The following FRMD5 variants were observed in gnomAD, a reference collection of about 807,000 sequenced individuals.
FRMD5 encodes FERM domain containing 5.
FRMD5 carries 20 observed loss-of-function variants against 69.0 expected under a neutral mutation model. The ratio of observed to expected loss-of-function variants is 0.29; its 90% CI spans 0.20 to 0.42. The LOEUF is 0.42. Ranked by LOEUF, FRMD5 falls within the 10% of genes least tolerant of loss-of-function variation. The probability of loss-of-function intolerance (pLI) is 1.00; values close to 1 mark genes in which losing one functional copy is unlikely to be tolerated. For missense variants in FRMD5, 595 were observed against 708.6 expected, an observed-to-expected ratio of 0.84 and a Z score of 1.82; for synonymous variants, 271 against 260.1, an observed-to-expected ratio of 1.04 and a Z score of -0.40.
chr15:44,123,525 T>C (rs1466603727), intron 1 of FRMD5, among the ~76,000 whole-genome samples: 2 of 152,140 alleles, frequency 1.3e-5, no homozygotes, highest in African/African-American at 4.8e-5. Flanking sequence ...GTACAGAAAA[T>C]TTATTTATAT....
At chr15:43,963,623 C>T (rs1412329454) in intron 1 of FRMD5, among the ~76,000 whole-genome samples, 3 of 152,150 alleles carry the variant, frequency 2.0e-5, no homozygotes, top group African/African-American at 7.2e-5. Context: ...TTTATTGCGG[C>T]ATTATTCACA....
At chr15:44,022,068 A>G (rs2140254087) in intron 1 of FRMD5, among the ~76,000 whole-genome samples, 1 of 152,320 alleles carries the variant, frequency 6.6e-6, no homozygotes, top group South Asian at 2.1e-4. Flanking sequence ...ATCTACTTAC[A>G]TGAGGTACAC....
chr15:44,120,389 A>G (rs1418031328), intron 1 of FRMD5, among the ~76,000 whole-genome samples: 1 of 152,240 alleles, frequency 6.6e-6, no homozygotes, highest in African/African-American at 2.4e-5. Context: ...GACAGATTTC[A>G]AAGATAGAAC....
intron 1 of FRMD5, among the ~76,000 whole-genome samples, chr15:44,067,516 G>A (rs1893360167): frequency 2.6e-5 from 4 of 152,308 alleles, no homozygotes; most frequent in African/African-American, 9.6e-5. Context: ...AGAAGTCCAA[G>A]ATCAAGGCAC....
At chr15:43,896,619 A>G (rs1028667642) in intron 7 of FRMD5, among the ~76,000 whole-genome samples, 2 of 152,208 alleles carry the variant, frequency 1.3e-5, no homozygotes, top group Admixed American at 1.3e-4. Context: ...CAGAAGCAGG[A>G]ACATCTGGCC....
At chr15:44,168,183 G>C (rs1185871910) in intron 1 of FRMD5, among the ~76,000 whole-genome samples, 1 of 152,284 alleles carries the variant, frequency 6.6e-6, no homozygotes, top group East Asian at 1.9e-4. Flanking sequence ...TATGGCAACA[G>C]AGTGAATACA....
Position 43,907,573 on chromosome 15 carries a change from G to A in FRMD5, c.428-1622C>T, listed in dbSNP as rs190240935. Among the ~76,000 whole-genome samples, 110 of 149,926 alleles carry A rather than the reference G, an allele frequency of 7.3e-4. 2 individuals are homozygous for A. The highest frequency in any genetic ancestry group is 2.6e-3 in the African/African-American group (106 of 40,756). ...CAGAGTCTGGCTCTGTCACCAGGCTGGAGTGCAGTAGCGCGATCTCAGCTC... is the reference window on the plus strand; with the variant it reads ...CAGAGTCTGGCTCTGTCACCAGGCTAGAGTGCAGTAGCGCGATCTCAGCTC... On this transcript the variant is annotated intron_variant, in intron 5 of 13. Transcript: ENST00000417257.
chr15:43,892,411 GA>G (rs2088813853), intron 7 of FRMD5, among the ~76,000 whole-genome samples: 1 of 152,200 alleles, frequency 6.6e-6, no homozygotes, highest in African/African-American at 2.4e-5. Flanking sequence ...CTTTGAGAAA[GA>G]GTTTGAAAGT....
chr15:44,136,204 G>A (rs1481035295), intron 1 of FRMD5, among the ~76,000 whole-genome samples: 2 of 85,898 alleles, frequency 2.3e-5, no homozygotes, highest in African/African-American at 6.1e-5. Flanking sequence ...TGTTTTGTTT[G>A]GTAGAGACGG....
At chr15:43,957,182 G>A (rs2090128166) in intron 1 of FRMD5, among the ~76,000 whole-genome samples, 1 of 152,008 alleles carries the variant, frequency 6.6e-6, no homozygotes, top group Admixed American at 6.6e-5. Flanking sequence ...AAATATTTGT[G>A]ATAATTTCTT....
At chr15:44,185,793 TA>T (rs112329664) in intron 1 of FRMD5, among the ~76,000 whole-genome samples, 508 of 143,926 alleles carry the variant, frequency 3.5e-3, no homozygotes, top group Middle Eastern at 3.5e-3. Flanking sequence ...ACTCTTATCT[TA>T]AAAAAAAAAA....
intron 2 of FRMD5, among the ~76,000 whole-genome samples, chr15:43,923,632 T>C (rs2089534189): frequency 2.0e-5 from 3 of 152,134 alleles, no homozygotes; most frequent in Non-Finnish European, 4.4e-5. Flanking sequence ...GCTGGAGAAA[T>C]AGGCAGGGGC....
chr15:43,910,600 A>AAAAAT (rs11388674), intron 4 of FRMD5, among the ~76,000 whole-genome samples: 1 of 150,146 alleles, frequency 6.7e-6, no homozygotes, highest in African/African-American at 2.4e-5. Context: ...AAAAAAAAAA[A>AAAAAT]TTGCAACAAG....
chr15:44,139,727 CAAAAAAAAA>C (rs71111842), intron 1 of FRMD5, among the ~76,000 whole-genome samples: 2 of 72,026 alleles, frequency 2.8e-5, no homozygotes, highest in African/African-American at 5.7e-5. Context: ...CCAGTCTCTA[CAAAAAAAAA>C]AAAAAAAAAA....
intron 1 of FRMD5, among the ~76,000 whole-genome samples, chr15:44,104,192 A>C (rs2076680352): frequency 6.6e-6 from 1 of 152,208 alleles, no homozygotes; most frequent in Admixed American, 6.5e-5. Flanking sequence ...AAAAAGTAAA[A>C]ATAAATTTTA....
chr15:44,166,513 G>A (rs972062382), intron 1 of FRMD5, among the ~76,000 whole-genome samples: 76 of 151,860 alleles, frequency 5.0e-4, no homozygotes, highest in African/African-American at 1.6e-3. Flanking sequence ...CGCCAGGTGC[G>A]ATGGCTCATG....
At chr15:43,961,622 T>C (rs553970418) in intron 1 of FRMD5, among the ~76,000 whole-genome samples, 18 of 152,318 alleles carry the variant, frequency 1.2e-4, no homozygotes, top group South Asian at 2.1e-4. Flanking sequence ...TTTAGACCAA[T>C]AATCTTGATG....
At chr15:44,036,591 T>C (rs567949393) in intron 1 of FRMD5, among the ~76,000 whole-genome samples, 4 of 152,338 alleles carry the variant, frequency 2.6e-5, no homozygotes, top group East Asian at 1.9e-4. Context: ...TAGTTGATCA[T>C]AGTTATTAAG....
chr15:44,076,009 GTTGT>G (rs1259263411), intron 1 of FRMD5, among the ~76,000 whole-genome samples: 101 of 152,218 alleles, frequency 6.6e-4, no homozygotes, highest in Admixed American at 1.9e-3. Context: ...TTTTGATGGG[GTTGT>G]TTGTTTTTTT....
Sources: allele counts gnomAD v4.1 joint callset (sites outside exome capture counted in the v4.1 genomes callset), GRCh38; gene constraint gnomAD v4.1.1; transcripts MANE v1.5; gene names NCBI Gene and HGNC (gene_info 2026-07-23, HGNC 2026-07-21).